Variants in CNTNAP2 observed in about 807,000 individuals in gnomAD.
CNTNAP2 encodes contactin-associated protein-like 2.
In CNTNAP2, 98 loss-of-function variants were observed where a neutral mutation model predicts 155.2. That is an observed-to-expected ratio of 0.63 (90% CI 0.54 to 0.75). The LOEUF is 0.75. Ranked by LOEUF, CNTNAP2 falls within the 30% of genes least tolerant of loss-of-function variation. CNTNAP2 has a pLI of 0.00. For missense variants in CNTNAP2, 1,727 were observed against 1,688.1 expected (o/e 1.02, Z -0.40); for synonymous variants, 651 against 631.2 (o/e 1.03, Z -0.47).
At chr7:147,582,508 A>G (rs1800522100) in intron 12 of CNTNAP2, among the ~76,000 whole-genome samples, 1 of 152,146 alleles carries the variant, frequency 6.6e-6, no homozygotes. Flanking sequence ...ATAGTACTTT[A>G]AAAAGTACAA....
chr7:148,125,422 G>A (rs1192791671), intron 16 of CNTNAP2, among the ~76,000 whole-genome samples: 5 of 151,990 alleles, frequency 3.3e-5, no homozygotes, highest in Non-Finnish European at 5.9e-5. Flanking sequence ...CGCCCTCCAC[G>A]CTTAGTACAC....
intron 14 of CNTNAP2, among the ~76,000 whole-genome samples, chr7:147,908,464 G>C (rs753728085): frequency 6.6e-6 from 1 of 152,182 alleles, no homozygotes; most frequent in Admixed American, 6.5e-5. Context: ...GGTGCCTGCT[G>C]TTTACAAGTG....
At chr7:146,925,906 AG>A (rs1328876425) in intron 3 of CNTNAP2, among the ~76,000 whole-genome samples, 1 of 152,130 alleles carries the variant, frequency 6.6e-6, no homozygotes, top group East Asian at 1.9e-4. Context: ...GACAATCCAG[AG>A]GGCTGTAAGT....
At chr7:148,147,400 C>T in intron 16 of CNTNAP2, 91 bp from the exon 17 acceptor site, 1 of 1,260,934 alleles carries the variant, frequency 7.9e-7, no homozygotes, top group Non-Finnish European at 1.2e-6. Context: ...ATGATTTTTC[C>T]TCTCCCTGCT....
At chr7:146,471,982 G>T (rs1032541630) in intron 1 of CNTNAP2, among the ~76,000 whole-genome samples, 2 of 152,180 alleles carry the variant, frequency 1.3e-5, no homozygotes, top group African/African-American at 4.8e-5. Flanking sequence ...GAACTTGCAA[G>T]TTTGAATGAA....
At chr7:147,324,863 A>G (rs2116828227) in intron 9 of CNTNAP2, among the ~76,000 whole-genome samples, 1 of 152,296 alleles carries the variant, frequency 6.6e-6, no homozygotes, top group Middle Eastern at 3.4e-3. Flanking sequence ...GATACACCTC[A>G]GCAGTATTCT....
chr7:147,812,557 G>T (rs940035359), intron 13 of CNTNAP2, among the ~76,000 whole-genome samples: 1 of 148,394 alleles, frequency 6.7e-6, no homozygotes. Context: ...CAATCACAAC[G>T]TGTCCACTCA....
At chr7:146,824,576 C>T (rs1803362673) in intron 2 of CNTNAP2, among the ~76,000 whole-genome samples, 1 of 152,080 alleles carries the variant, frequency 6.6e-6, no homozygotes, top group Non-Finnish European at 1.5e-5. Flanking sequence ...TAATGATTGC[C>T]ATTCTAACTG....
chr7:147,732,639 T>G (rs561777565), intron 13 of CNTNAP2, among the ~76,000 whole-genome samples: 2 of 152,324 alleles, frequency 1.3e-5, no homozygotes, highest in East Asian at 3.9e-4. Flanking sequence ...TTGAACCAGT[T>G]TACAGTCCCA....
At chr7:147,394,807 T>TTGTGTGTGTGTGTGTGTG (rs61695156) in intron 9 of CNTNAP2, among the ~76,000 whole-genome samples, 7 of 139,286 alleles carry the variant, frequency 5.0e-5, no homozygotes, top group African/African-American at 1.9e-4. Context: ...ATCAACAGTA[T>TTGTGTGTGTGTGTGTGTG]TGTGTGTGTG....
At chr7:146,480,158 T>A (rs1279475297) in intron 1 of CNTNAP2, among the ~76,000 whole-genome samples, 2 of 152,146 alleles carry the variant, frequency 1.3e-5, no homozygotes, top group Non-Finnish European at 2.9e-5. Context: ...CGTAGAATCA[T>A]CTCCTCCTGT....
intron 1 of CNTNAP2, among the ~76,000 whole-genome samples, chr7:146,266,557 A>G (rs1406606055): frequency 1.3e-5 from 2 of 152,154 alleles, no homozygotes; most frequent in African/African-American, 4.8e-5. Context: ...CTCACCAAAA[A>G]TTGTTTTTGT....
chr7:146,504,182 A>G (rs1423591233), intron 1 of CNTNAP2, among the ~76,000 whole-genome samples: 2 of 152,210 alleles, frequency 1.3e-5, no homozygotes, highest in Admixed American at 1.3e-4. Context: ...GAGTTCTCCT[A>G]GCAGGGAGAC....
intron 9 of CNTNAP2, among the ~76,000 whole-genome samples, chr7:147,303,262 A>C (rs1794975805): frequency 6.6e-6 from 1 of 152,244 alleles, no homozygotes. Flanking sequence ...GCTATCTAAC[A>C]GACCACTGAT....
chr7:146,416,530 G>A (rs1795940859), intron 1 of CNTNAP2, among the ~76,000 whole-genome samples: 1 of 152,034 alleles, frequency 6.6e-6, no homozygotes, highest in South Asian at 2.1e-4. Flanking sequence ...GCTGCAACTA[G>A]AGGGGCTTGC....
intron 3 of CNTNAP2, among the ~76,000 whole-genome samples, chr7:146,874,379 C>A (rs1472716585): frequency 6.6e-6 from 1 of 151,932 alleles, no homozygotes; most frequent in Non-Finnish European, 1.5e-5. Context: ...TGCTCTGTCA[C>A]CAAGGCTGGA....
At chr7:146,213,648 T>C (rs6464739) in intron 1 of CNTNAP2, among the ~76,000 whole-genome samples, 45,986 of 152,024 alleles carry the variant, frequency 0.3, 7,855 homozygotes, top group African/African-American at 0.47. Context: ...AGTTAAAAGA[T>C]TTTAAGTAAC....
At chr7:148,141,461 G>A (rs778741963) in intron 16 of CNTNAP2, among the ~76,000 whole-genome samples, 1 of 152,210 alleles carries the variant, frequency 6.6e-6, no homozygotes. Context: ...CATCTAGTTC[G>A]GCTGGCCTTG....
intron 1 of CNTNAP2, among the ~76,000 whole-genome samples, chr7:146,568,417 A>G (rs1266610627): frequency 6.6e-6 from 1 of 152,198 alleles, no homozygotes; most frequent in Non-Finnish European, 1.5e-5. Flanking sequence ...AATACAAAGG[A>G]GCAGTTTCTT....
Sources: gnomAD v4.1 joint callset for allele counts (sites outside exome capture counted in the v4.1 genomes callset) on GRCh38, gnomAD v4.1.1 for gene constraint, MANE v1.5 for transcripts, NCBI Gene and HGNC (gene_info 2026-07-23, HGNC 2026-07-21) for gene names.